Variants in PDZD2 observed in about 807,000 individuals in gnomAD.
PDZD2 encodes the protein PDZ domain-containing protein 2.
In PDZD2, 90 loss-of-function variants were observed where a neutral mutation model predicts 220.7. The ratio of observed to expected loss-of-function variants is 0.41; its 90% CI spans 0.34 to 0.49. The LOEUF is 0.49. Ranked by LOEUF, PDZD2 falls within the 20% of genes least tolerant of loss-of-function variation. PDZD2 has a pLI of 0.28. For synonymous variants in PDZD2, 1,375 were observed against 1,450.5 expected, an observed-to-expected ratio of 0.95 and a Z score of 1.18; for missense variants, 3,174 against 3,608.5, an observed-to-expected ratio of 0.88 and a Z score of 3.08.
At chr5:31,702,481 C>T (rs773660479) in intron 1 of PDZD2, among the ~76,000 whole-genome samples, 12 of 152,174 alleles carry the variant, frequency 7.9e-5, no homozygotes, top group Non-Finnish European at 1.2e-4. Context: ...CATGCATTGA[C>T]GATGATGGAT....
chr5:32,088,236 G>A lies in PDZD2; in HGVS notation c.4788G>A (p.Glu1596=). 1 of 1,614,164 alleles carries A rather than the reference G, an allele frequency of 6.2e-7. No homozygotes were observed. The change falls in exon 20 of 25, where the codon GAG becomes GAA. Residue 1596 remains glutamate, a synonymous_variant. Coordinates refer to ENST00000438447, the MANE Select transcript of PDZD2 (RefSeq NM_178140.4). The surrounding 1 kb of genome is among the most constrained non-coding windows in gnomAD (Gnocchi z 4.6). ...AGGAAGATCCTTCGGAGTCAGAAGA[G>A]GAACAGATTGAGATTTGTTCCACAC... The part of the protein sequence containing the change: ...LHKEDPSESE[E]EQIEICSTRG...
chr5:31,992,558 G>A (rs962665572), intron 3 of PDZD2, among the ~76,000 whole-genome samples: 5 of 152,106 alleles, frequency 3.3e-5, no homozygotes. Context: ...ACCTAGTATT[G>A]TCACATCCTT....
At position 31,968,242 on chromosome 5, in the gene PDZD2, C is replaced by T. The variant is rs141627131; in HGVS notation, c.477-14913C>T. On this transcript the variant is annotated intron_variant, in intron 2 of 24. Coordinates refer to ENST00000438447, the MANE Select transcript of PDZD2 (RefSeq NM_178140.4). ...GCGTGGTGGTGCATGTCTGTAATCC[C>T]ATCTACTCGGGTGGTTGAGGTAGGA... Among the ~76,000 whole-genome samples, 8 of 152,266 alleles carry T rather than the reference C, an allele frequency of 5.3e-5. No homozygotes were observed. The East Asian group carries it at 1.5e-3, about 29-fold the overall frequency.
chr5:31,860,978 T>G (rs1580920443), intron 2 of PDZD2, among the ~76,000 whole-genome samples: 1 of 152,160 alleles, frequency 6.6e-6, no homozygotes, highest in East Asian at 1.9e-4. Context: ...CATATCTCCA[T>G]TCCATGCCCC....
chr5:31,784,650 T>C (rs939190256), intron 1 of PDZD2, among the ~76,000 whole-genome samples: 3 of 152,224 alleles, frequency 2.0e-5, no homozygotes, highest in African/African-American at 7.2e-5. Flanking sequence ...GGCTCACGCC[T>C]GTAATCCCAG....
intron 1 of PDZD2, among the ~76,000 whole-genome samples, chr5:31,668,006 C>T (rs185228630): frequency 0.014 from 2,172 of 151,956 alleles, 20 homozygotes; most frequent in Admixed American, 0.027. Flanking sequence ...GGACTACAGG[C>T]GCCCACCACT....
At chr5:31,905,497 T>G (rs1742562592) in intron 2 of PDZD2, among the ~76,000 whole-genome samples, 1 of 152,252 alleles carries the variant, frequency 6.6e-6, no homozygotes, top group Admixed American at 6.5e-5. Flanking sequence ...GTTCTTGGCC[T>G]GCATTTTTCC....
chr5:31,769,763 A>G (rs1437232603), intron 1 of PDZD2, among the ~76,000 whole-genome samples: 1 of 152,210 alleles, frequency 6.6e-6, no homozygotes, highest in African/African-American at 2.4e-5. Context: ...CTAGAGTTAC[A>G]GGACTTGGGT....
chr5:32,061,231 G>A, intron 14 of PDZD2, 97 bp downstream of exon 14: 1 of 1,217,538 alleles, frequency 8.2e-7, no homozygotes. Context: ...GCTGGGGATA[G>A]GCAGGCAACC....
At chr5:32,004,412 C>G (rs912736575) in intron 5 of PDZD2, among the ~76,000 whole-genome samples, 1 of 152,110 alleles carries the variant, frequency 6.6e-6, no homozygotes, top group African/African-American at 2.4e-5. Flanking sequence ...ATAGTGAGAC[C>G]TCTTCTCTAC....
chr5:32,079,594 G>C lies in PDZD2; in HGVS notation c.3682+1988G>C, dbSNP rs1447232088. ...GGCTGAGGTGGGTGGATCCCCCGAG[G>C]TCAGGAGTTCGAGACCAGCCTGGCC... On this transcript the variant is annotated intron_variant, in intron 19 of 24. Coordinates refer to ENST00000438447, the MANE Select transcript of PDZD2 (RefSeq NM_178140.4). 4.0e-5 allele frequency among the ~76,000 whole-genome samples: 6 copies of C among 151,814 alleles called. No homozygotes were observed. The East Asian group carries it at 1.2e-3, about 30-fold the overall frequency.
intron 2 of PDZD2, among the ~76,000 whole-genome samples, chr5:31,862,153 T>A (rs956582305): frequency 7.7e-6 from 1 of 130,180 alleles, no homozygotes; most frequent in Non-Finnish European, 1.6e-5. Flanking sequence ...TTGCCTAGGC[T>A]GGAGTGCAGT....
chr5:31,951,881 A>G (rs1045487661), intron 2 of PDZD2, among the ~76,000 whole-genome samples: 4 of 152,216 alleles, frequency 2.6e-5, no homozygotes, highest in African/African-American at 9.6e-5. Context: ...TTTGAAAAAG[A>G]GTATGTATGT....
intron 1 of PDZD2, among the ~76,000 whole-genome samples, chr5:31,764,928 C>G (rs1213259896): frequency 6.6e-6 from 1 of 152,084 alleles, no homozygotes; most frequent in African/African-American, 2.4e-5. Context: ...AATACAAAAA[C>G]TCTCTGGGCG....
At chr5:31,774,512 G>A (rs925387909) in intron 1 of PDZD2, among the ~76,000 whole-genome samples, 27 of 151,970 alleles carry the variant, frequency 1.8e-4, no homozygotes, top group African/African-American at 5.3e-4. Flanking sequence ...TCAGGAGTTC[G>A]AGACCAGCCT....
At chr5:32,078,445 C>A (rs1306380468) in intron 19 of PDZD2, among the ~76,000 whole-genome samples, 1 of 151,972 alleles carries the variant, frequency 6.6e-6, no homozygotes, top group Non-Finnish European at 1.5e-5. Context: ...GCCTGGCCAA[C>A]ATGGTGAAAC....
intron 19 of PDZD2, among the ~76,000 whole-genome samples, chr5:32,082,737 C>T (rs1482543034): frequency 6.6e-6 from 1 of 151,990 alleles, no homozygotes; most frequent in Non-Finnish European, 1.5e-5. Flanking sequence ...TGTATGTATA[C>T]CTACACACAT....
intron 2 of PDZD2, among the ~76,000 whole-genome samples, chr5:31,805,155 G>T (rs1182112877): frequency 6.6e-6 from 1 of 152,116 alleles, no homozygotes; most frequent in Non-Finnish European, 1.5e-5. Context: ...AGATTGTGCC[G>T]CCATTGCACT....
intron 1 of PDZD2, among the ~76,000 whole-genome samples, chr5:31,742,740 T>C (rs1750345024): frequency 6.6e-6 from 1 of 152,170 alleles, no homozygotes; most frequent in African/African-American, 2.4e-5. Context: ...GGAATAATAT[T>C]CGTGTCTTCC....
Sources: allele counts gnomAD v4.1 joint callset (sites outside exome capture counted in the v4.1 genomes callset), GRCh38; gene constraint gnomAD v4.1.1; non-coding constraint Gnocchi (gnomAD v3.1); transcripts MANE v1.5; gene names NCBI Gene and HGNC (gene_info 2026-07-23, HGNC 2026-07-21).